Variants in FNBP1L observed in about 807,000 individuals in gnomAD.
FNBP1L encodes the protein formin-binding protein 1-like.
A neutral mutation model predicts 91.2 loss-of-function variants in FNBP1L; 36 were observed. That is an observed-to-expected ratio of 0.39 (90% CI 0.30 to 0.52). The LOEUF is 0.52. Among genes scored for constraint, FNBP1L ranks in the 20% least tolerant of loss-of-function variants. The pLI is 0.66. For synonymous variants in FNBP1L, 242 were observed against 237.0 expected (o/e 1.02, Z -0.19); for missense variants, 571 against 732.1 (o/e 0.78, Z 2.54).
At chr1:93,528,994 A>G (rs1194257385) in intron 5 of FNBP1L, among the ~76,000 whole-genome samples, 1 of 152,098 alleles carries the variant, frequency 6.6e-6, no homozygotes, top group Non-Finnish European at 1.5e-5. Flanking sequence ...TTTGAATGAA[A>G]TAAAATTTAA....
intron 1 of FNBP1L, among the ~76,000 whole-genome samples, chr1:93,478,853 ATGTT>A (rs1323125666): frequency 1.3e-5 from 2 of 152,182 alleles, no homozygotes; most frequent in African/African-American, 4.8e-5. Flanking sequence ...AAAGAGGTAA[ATGTT>A]TGGTAAGTTT....
intron 5 of FNBP1L, among the ~76,000 whole-genome samples, chr1:93,525,140 G>A (rs145628697): frequency 8.6e-5 from 13 of 150,998 alleles, no homozygotes; most frequent in East Asian, 1.9e-4. Context: ...TCAAGTTATC[G>A]AACAGTTTAC....
chr1:93,491,316 CCTT>C (rs935625191), intron 1 of FNBP1L, among the ~76,000 whole-genome samples: 3 of 152,018 alleles, frequency 2.0e-5, no homozygotes, highest in Non-Finnish European at 4.4e-5. Context: ...TGCTTTCCAG[CCTT>C]CTTCTCTCAT....
chr1:93,514,273 C>G (rs1171429937), intron 2 of FNBP1L, among the ~76,000 whole-genome samples: 2 of 151,926 alleles, frequency 1.3e-5, no homozygotes, highest in African/African-American at 4.8e-5. Context: ...AAAGAGGATA[C>G]AAACAAATGG....
At chr1:93,517,104 A>G (rs1239167196) in intron 2 of FNBP1L, among the ~76,000 whole-genome samples, 1 of 150,110 alleles carries the variant, frequency 6.7e-6, no homozygotes, top group Non-Finnish European at 1.5e-5. Context: ...CAGTGGCACA[A>G]TCTCAGCTCA....
chr1:93,490,515 A>G (rs551505366), intron 1 of FNBP1L, among the ~76,000 whole-genome samples: 70 of 152,330 alleles, frequency 4.6e-4, no homozygotes, highest in Non-Finnish European at 7.6e-4. Context: ...CACACAAGCT[A>G]TGGTAAGAAT....
intron 1 of FNBP1L, among the ~76,000 whole-genome samples, chr1:93,472,920 TG>T (rs1669350850): frequency 6.6e-6 from 1 of 150,954 alleles, no homozygotes; most frequent in Non-Finnish European, 1.5e-5. Flanking sequence ...CTATTCTCTG[TG>T]GGACTCATGG....
At chr1:93,512,571 T>C (rs1248377074) in intron 2 of FNBP1L, among the ~76,000 whole-genome samples, 1 of 151,540 alleles carries the variant, frequency 6.6e-6, no homozygotes, top group African/African-American at 2.4e-5. Flanking sequence ...TAGCAAACTA[T>C]CTCTCAGACC....
chr1:93,510,972 T>C (rs372119163), intron 2 of FNBP1L, among the ~76,000 whole-genome samples: 4,211 of 151,960 alleles, frequency 0.028, 191 homozygotes, highest in African/African-American at 0.096. Flanking sequence ...ACCAAATCTA[T>C]GTCTGATTGG....
At chr1:93,549,556 G>A (rs1557823777) in intron 15 of FNBP1L, 130 bp downstream of exon 15, 8 of 695,300 alleles carry the variant, frequency 1.2e-5, no homozygotes, top group Non-Finnish European at 1.8e-5. Context: ...CATTTCTTTA[G>A]TATGCATACT....
At chr1:93,482,273 G>A (rs925635710) in intron 1 of FNBP1L, among the ~76,000 whole-genome samples, 5 of 151,992 alleles carry the variant, frequency 3.3e-5, no homozygotes, top group East Asian at 1.9e-4. Flanking sequence ...GCTAAACTTC[G>A]TCTATGTGTG....
chr1:93,538,695 A>G (rs1230289770), intron 10 of FNBP1L, among the ~76,000 whole-genome samples: 1 of 152,136 alleles, frequency 6.6e-6, no homozygotes, highest in Non-Finnish European at 1.5e-5. Context: ...GCCTGCTTAT[A>G]TGTTTTTACA....
intron 1 of FNBP1L, among the ~76,000 whole-genome samples, chr1:93,487,150 A>G (rs1482586728): frequency 1.3e-5 from 2 of 152,190 alleles, no homozygotes; most frequent in Non-Finnish European, 2.9e-5. Flanking sequence ...ACTACTTTTA[A>G]TAGCACCTGA....
chr1:93,492,586 G>A (rs1385176362), intron 1 of FNBP1L, among the ~76,000 whole-genome samples: 1 of 152,162 alleles, frequency 6.6e-6, no homozygotes, highest in East Asian at 1.9e-4. Flanking sequence ...GGTGGCTCAC[G>A]CCTATAGTCC....
intron 2 of FNBP1L, among the ~76,000 whole-genome samples, chr1:93,500,996 T>C (rs1177713492): frequency 1.3e-5 from 2 of 152,152 alleles, no homozygotes; most frequent in African/African-American, 4.8e-5. Context: ...TCTGGGAAAC[T>C]TACCTCTCTA....
At chr1:93,549,077 TA>T (rs1240526481) in intron 14 of FNBP1L, among the ~76,000 whole-genome samples, 200 bp from the exon 15 acceptor site, 8 of 152,222 alleles carry the variant, frequency 5.3e-5, no homozygotes, top group African/African-American at 1.9e-4. Flanking sequence ...AATTTTTTTT[TA>T]ATTCAGGAAA....
chr1:93,511,340 A>C (rs561529535), intron 2 of FNBP1L, among the ~76,000 whole-genome samples: 66 of 152,318 alleles, frequency 4.3e-4, no homozygotes, highest in African/African-American at 1.6e-3. Flanking sequence ...CCAGAATTTC[A>C]TATCCAGCCA....
chr1:93,516,123 C>A (rs1671098051), intron 2 of FNBP1L, among the ~76,000 whole-genome samples: 1 of 151,974 alleles, frequency 6.6e-6, no homozygotes, highest in Non-Finnish European at 1.5e-5. Context: ...AAGTTAATAG[C>A]CTTTCAGTGT....
rs1390721589 is a variant in FNBP1L at position 93,450,442 on chromosome 1, G to A, written c.24+2137G>A. ...GAGGGAAACATTTATTAGAAACTAA[G>A]TAATGTAGAGTGAACTAATATCAAC... is the stretch of plus-strand genomic sequence containing the variant. On this transcript the variant is annotated intron_variant, in intron 1 of 16. Transcript: ENST00000271234. 4.6e-5 allele frequency among the ~76,000 whole-genome samples: 7 copies of A among 152,182 alleles called. No individual in the cohort carries two copies. The South Asian group carries it at 1.4e-3, about 31-fold the overall frequency.
Sources: gnomAD v4.1 joint callset for allele counts (sites outside exome capture counted in the v4.1 genomes callset) on GRCh38, gnomAD v4.1.1 for gene constraint, MANE v1.5 for transcripts, NCBI Gene and HGNC (gene_info 2026-07-23, HGNC 2026-07-21) for gene names.